CNTN3: variants seen among roughly 807,000 people sequenced by gnomAD.
CNTN3 encodes contactin-3.
CNTN3 carries 60 observed loss-of-function variants against 119.1 expected under a neutral mutation model. The observed-to-expected ratio is 0.50, with a 90% CI of 0.41 to 0.62. The LOEUF is 0.62. Ranked by LOEUF, CNTN3 falls within the 20% of genes least tolerant of loss-of-function variation. The probability of loss-of-function intolerance (pLI) is 0.00; values close to 1 mark genes in which losing one functional copy is unlikely to be tolerated. For missense variants in CNTN3, 1,101 were observed against 1,242.4 expected, an observed-to-expected ratio of 0.89 and a Z score of 1.71; for synonymous variants, 450 against 438.7, an observed-to-expected ratio of 1.03 and a Z score of -0.32.
At chr3:74,515,698 T>C (rs577986121) in intron 2 of CNTN3, among the ~76,000 whole-genome samples, 1 of 152,028 alleles carries the variant, frequency 6.6e-6, no homozygotes, top group Non-Finnish European at 1.5e-5. Context: ...ACTAAGCCAG[T>C]TGGCATGTCA....
At chr3:74,368,500 T>C (rs1012864481) in intron 8 of CNTN3, among the ~76,000 whole-genome samples, 3 of 152,066 alleles carry the variant, frequency 2.0e-5, no homozygotes, top group Non-Finnish European at 4.4e-5. Flanking sequence ...TGAAAAATTA[T>C]ATATTTATTC....
intron 1 of CNTN3, among the ~76,000 whole-genome samples, chr3:74,576,874 C>T (rs1194306677): frequency 6.6e-6 from 1 of 152,070 alleles, no homozygotes; most frequent in Admixed American, 6.6e-5. Flanking sequence ...TATTTATATT[C>T]TGGGCTTAAA....
At chr3:74,534,051 A>G (rs1703729108) in intron 1 of CNTN3, among the ~76,000 whole-genome samples, 1 of 152,024 alleles carries the variant, frequency 6.6e-6, no homozygotes, top group African/African-American at 2.4e-5. Context: ...AAGACTGGAG[A>G]ATCAGCTACC....
intron 1 of CNTN3, among the ~76,000 whole-genome samples, chr3:74,583,237 G>C (rs9637506): frequency 1.6e-4 from 25 of 152,226 alleles, no homozygotes; most frequent in Admixed American, 1.4e-3. Flanking sequence ...TCGCAGGTTA[G>C]ATGCCAAATA....
chr3:74,273,356 C>T (rs569781999), intron 20 of CNTN3, among the ~76,000 whole-genome samples: 26 of 152,146 alleles, frequency 1.7e-4, no homozygotes, highest in Non-Finnish European at 1.3e-4. Flanking sequence ...TGTGTGGAGG[C>T]TTGCATTGTG....
chr3:74,478,468 A>C (rs1214002546), intron 4 of CNTN3, among the ~76,000 whole-genome samples: 1 of 152,118 alleles, frequency 6.6e-6, no homozygotes. Flanking sequence ...TATTAAATGC[A>C]TGTATGCACA....
chr3:74,414,755 G>A (rs1218543674), intron 5 of CNTN3, among the ~76,000 whole-genome samples: 1 of 152,082 alleles, frequency 6.6e-6, no homozygotes, highest in African/African-American at 2.4e-5. Flanking sequence ...AGCAGCATGT[G>A]TAATATTAAT....
chr3:74,582,330 C>T (rs113501960), intron 1 of CNTN3, among the ~76,000 whole-genome samples: 2,984 of 151,934 alleles, frequency 0.02, 111 homozygotes, highest in African/African-American at 0.068. Flanking sequence ...GGCATGAACC[C>T]GGGAGGCAGA....
chr3:74,492,398 G>A (rs1049704722), intron 3 of CNTN3, among the ~76,000 whole-genome samples: 2 of 152,056 alleles, frequency 1.3e-5, no homozygotes, highest in Non-Finnish European at 2.9e-5. Flanking sequence ...TTAAATCTTA[G>A]TTACATTCTC....
chr3:74,271,942 C>G (rs975199508), intron 20 of CNTN3, among the ~76,000 whole-genome samples: 1 of 152,010 alleles, frequency 6.6e-6, no homozygotes, highest in Non-Finnish European at 1.5e-5. Flanking sequence ...CGTCTGAAAC[C>G]CAACCTAGAA....
chr3:74,508,185 T>A (rs1703299284), intron 2 of CNTN3, among the ~76,000 whole-genome samples: 1 of 151,970 alleles, frequency 6.6e-6, no homozygotes, highest in African/African-American at 2.4e-5. Flanking sequence ...TGAGTTCTCA[T>A]GAGATCTGAA....
chr3:74,509,900 T>C (rs1048727633), intron 2 of CNTN3, among the ~76,000 whole-genome samples: 1 of 152,228 alleles, frequency 6.6e-6, no homozygotes, highest in East Asian at 1.9e-4. Flanking sequence ...TCCTATAATA[T>C]ATTACATGTA....
intron 19 of CNTN3, among the ~76,000 whole-genome samples, chr3:74,288,269 C>A (rs1310558930): frequency 6.6e-6 from 1 of 150,574 alleles, no homozygotes; most frequent in East Asian, 2.0e-4. Context: ...AGCAATTCTC[C>A]TGCCTCAACC....
chr3:74,362,495 A>G (rs1215899124), intron 10 of CNTN3, among the ~76,000 whole-genome samples: 1 of 152,218 alleles, frequency 6.6e-6, no homozygotes, highest in Non-Finnish European at 1.5e-5. Context: ...GCATGTATCA[A>G]GTTCCACGAT....
intron 1 of CNTN3, among the ~76,000 whole-genome samples, chr3:74,609,557 G>A (rs760358226): frequency 2.0e-5 from 3 of 152,122 alleles, no homozygotes; most frequent in Non-Finnish European, 4.4e-5. Context: ...CGGATTGAGA[G>A]GAAAAATGAT....
intron 10 of CNTN3, among the ~76,000 whole-genome samples, chr3:74,364,094 T>C (rs1704135098): frequency 6.6e-6 from 1 of 152,102 alleles, no homozygotes; most frequent in African/African-American, 2.4e-5. Flanking sequence ...CTCTTTTGAA[T>C]CAAATACGAT....
rs182730715 is a variant in CNTN3 at position 74,590,425 on chromosome 3, T to C, written c.-81+23966A>G. On this transcript the variant is annotated intron_variant, in intron 1 of 22. Transcript: ENST00000263665. Reference sequence around the variant, plus strand: ...CCAAATGGTAAACTTTAAGCACAGATTAGCATTTGAGAAGAAGAACGGGTG... The same window carrying C: ...CCAAATGGTAAACTTTAAGCACAGACTAGCATTTGAGAAGAAGAACGGGTG... Among the ~76,000 whole-genome samples, 3 of 152,024 alleles carry C rather than the reference T, an allele frequency of 2.0e-5. No homozygotes were observed. In the East Asian group the frequency reaches 5.8e-4, roughly 30 times the overall value.
intron 1 of CNTN3, among the ~76,000 whole-genome samples, chr3:74,595,816 C>T (rs868483080): frequency 0.027 from 4,092 of 149,128 alleles, no homozygotes; most frequent in African/African-American, 0.095. Flanking sequence ...TCCTATTCAA[C>T]GTAGTGTTGG....
At chr3:74,369,056 A>G (rs1414985710) in intron 8 of CNTN3, 133 bp downstream of exon 8, 1 of 549,438 alleles carries the variant, frequency 1.8e-6, no homozygotes, top group Admixed American at 4.2e-5. Flanking sequence ...GTTTATCATC[A>G]CTTAACAAAA....
Sources: gnomAD v4.1 joint callset for allele counts (sites outside exome capture counted in the v4.1 genomes callset) on GRCh38, gnomAD v4.1.1 for gene constraint, MANE v1.5 for transcripts, NCBI Gene and HGNC (gene_info 2026-07-23, HGNC 2026-07-21) for gene names.